Variants in JAK1 observed in about 807,000 individuals in gnomAD.
JAK1 encodes Janus kinase 1.
In JAK1, 16 loss-of-function variants were observed where a neutral mutation model predicts 136.6. That is an observed-to-expected ratio of 0.12 (90% CI 0.08 to 0.18). The LOEUF (loss-of-function observed/expected upper bound fraction) is 0.18. Among genes scored for constraint, JAK1 ranks in the 10% least tolerant of loss-of-function variants. The probability of loss-of-function intolerance (pLI) is 1.00; values close to 1 mark genes in which losing one functional copy is unlikely to be tolerated. For synonymous variants in JAK1, 492 were observed against 519.5 expected (o/e 0.95, Z 0.72); for missense variants, 859 against 1,450.1 (o/e 0.59, Z 6.62).
At chr1:64,857,004 G>GT (rs548849477) in intron 10 of JAK1, among the ~76,000 whole-genome samples, 1 of 152,152 alleles carries the variant, frequency 6.6e-6, no homozygotes. Context: ...CCACTTTGTA[G>GT]TTTTTTTAAT....
chr1:64,906,539 A>G (rs560731997), intron 1 of JAK1, among the ~76,000 whole-genome samples: 1 of 152,218 alleles, frequency 6.6e-6, no homozygotes, highest in South Asian at 2.1e-4. Flanking sequence ...CATCTAAACC[A>G]TCACCAATTC....
intron 2 of JAK1, among the ~76,000 whole-genome samples, chr1:65,040,228 A>G: frequency 6.6e-6 from 1 of 152,106 alleles, no homozygotes; most frequent in South Asian, 2.1e-4. Flanking sequence ...AAAAAAAAAA[A>G]AAGAAGTCTG....
chr1:65,049,153 G>A (rs561624), intron 1 of JAK1, among the ~76,000 whole-genome samples: 11,376 of 152,254 alleles, frequency 0.075, 683 homozygotes, highest in East Asian at 0.32. Context: ...CTGGCATGGT[G>A]GCTCATGCCT....
intron 2 of JAK1, chr1:64,993,541 C>G (rs986264718): frequency 6.6e-6 from 1 of 152,244 alleles, no homozygotes; most frequent in Non-Finnish European, 1.5e-5. Context: ...GTCCAGTGAA[C>G]AGTCCATGAT....
chr1:65,022,529 G>T (rs1646945772), intron 2 of JAK1, among the ~76,000 whole-genome samples: 1 of 152,168 alleles, frequency 6.6e-6, no homozygotes, highest in Non-Finnish European at 1.5e-5. Context: ...TGAGGCATAA[G>T]GCTGGGAGGT....
chr1:65,007,745 G>GTTTTTTTTTTTTTTTTTTTTTT (rs371536456), intron 2 of JAK1, among the ~76,000 whole-genome samples: 1 of 141,930 alleles, frequency 7.0e-6, no homozygotes, highest in African/African-American at 2.6e-5. Flanking sequence ...TTATAGGTAT[G>GTTTTTTTTTTTTTTTTTTTTTT]TTTTTTTTTT....
chr1:64,860,824 C>CTGTGTGTGTGTGTG (rs1557642147), intron 8 of JAK1, among the ~76,000 whole-genome samples: 1 of 114,374 alleles, frequency 8.7e-6, no homozygotes, highest in African/African-American at 3.9e-5. Flanking sequence ...TATCAGATGA[C>CTGTGTGTGTGTGTG]TCTGTGTGTG....
chr1:64,942,800 G>A (rs760593871), intron 1 of JAK1, among the ~76,000 whole-genome samples: 17 of 152,124 alleles, frequency 1.1e-4, no homozygotes, highest in Non-Finnish European at 2.5e-4. Flanking sequence ...GAAGTAGAAC[G>A]AGGGAAGAAC....
intron 2 of JAK1, among the ~76,000 whole-genome samples, chr1:65,014,748 G>C (rs1646878765): frequency 2.0e-5 from 3 of 150,726 alleles, no homozygotes; most frequent in Non-Finnish European, 4.4e-5. Flanking sequence ...GCAGTGGCGC[G>C]ACCTCGGCTC....
chr1:65,061,004 ACTT>A (rs1374270424), intron 1 of JAK1, among the ~76,000 whole-genome samples: 4 of 152,186 alleles, frequency 2.6e-5, no homozygotes, highest in African/African-American at 9.6e-5. Context: ...ATTTTAAACT[ACTT>A]CTTCTATGTT....
Position 64,906,064 on chromosome 1 carries a change from G to A in JAK1, c.-77-19723C>T, listed in dbSNP as rs370697133. On this transcript the variant is annotated intron_variant, in intron 1 of 24. Coordinates refer to ENST00000342505, the MANE Select transcript of JAK1 (RefSeq NM_002227.4). Reference sequence around the variant, plus strand: ...TATCCAACTACCTTGGGAGGCCAAGGTGAGTGGATCACTTGAGGTCAGGAG... The same window carrying A: ...TATCCAACTACCTTGGGAGGCCAAGATGAGTGGATCACTTGAGGTCAGGAG... Among the ~76,000 whole-genome samples, 5 of 152,320 alleles carry A rather than the reference G, an allele frequency of 3.3e-5. 1 individual carries two copies. The highest frequency in any genetic ancestry group is 9.6e-5 in the African/African-American group (4 of 41,584).
At chr1:65,034,830 G>A (rs1053592890) in intron 2 of JAK1, among the ~76,000 whole-genome samples, 33 of 152,186 alleles carry the variant, frequency 2.2e-4, no homozygotes, top group African/African-American at 5.8e-4. Context: ...CAAGGCGGGC[G>A]GATCACTTGA....
At chr1:64,880,646 T>A (rs1338246932) in intron 3 of JAK1, among the ~76,000 whole-genome samples, 1 of 152,152 alleles carries the variant, frequency 6.6e-6, no homozygotes, top group East Asian at 1.9e-4. Context: ...GGGCTAAGTG[T>A]CAGGCATCAG....
In JAK1 at chr1:64,913,944, G is replaced by A. The variant is rs767990119; in HGVS notation, c.-77-27603C>T. ...GCATGTAGTGGTCCTTTCACAAAGT[G>A]CACATTGGTGCACTGGAGGGTGCGT... On this transcript the variant is annotated intron_variant, in intron 1 of 24. Coordinates refer to ENST00000342505, the MANE Select transcript of JAK1 (RefSeq NM_002227.4). 9.9e-5 allele frequency among the ~76,000 whole-genome samples: 15 copies of A among 152,178 alleles called. No homozygotes were observed. The East Asian group carries it at 1.5e-3, about 16-fold the overall frequency.
intron 2 of JAK1, among the ~76,000 whole-genome samples, chr1:64,979,365 C>A (rs1354408339): frequency 6.6e-6 from 1 of 152,072 alleles, no homozygotes; most frequent in East Asian, 1.9e-4. Flanking sequence ...TGCCATTGCA[C>A]CCCAGAATGG....
At chr1:64,879,354 A>C (rs998960925) in intron 3 of JAK1, among the ~76,000 whole-genome samples, 1 of 152,204 alleles carries the variant, frequency 6.6e-6, no homozygotes, top group African/African-American at 2.4e-5. Flanking sequence ...CTCCCCAGAA[A>C]TATGCACTGT....
rs1383783452 is a variant in JAK1 at position 64,834,525 on chromosome 1, T to TTGA, written c.*34_*36dup. 7.4e-7 allele frequency: 1 copy of TTGA among 1,359,590 alleles called. No individual in the cohort carries two copies. Among genetic ancestry groups the TTGA allele is most frequent in the Non-Finnish European group, 1.0e-6 (1 of 953,600 alleles). The allele number at this position is 1,359,590 out of a possible 1,614,324, so 84.2% of individuals were successfully genotyped here. A position where few individuals can be genotyped will look rare whatever the true frequency, so the allele number is the denominator to read the frequency against. ...TGGGCATTTGTTGCAGGAGAAGGACTTGATAATCTGTGGAATTTAAATGTT... is the reference window on the plus strand; with the variant it reads ...TGGGCATTTGTTGCAGGAGAAGGACTTGATGATAATCTGTGGAATTTAAATGTT... On this transcript the variant is annotated 3_prime_UTR_variant, in exon 25 of 25. Transcript: ENST00000342505.
chr1:64,927,484 T>C, intron 1 of JAK1, among the ~76,000 whole-genome samples: 1 of 152,244 alleles, frequency 6.6e-6, no homozygotes, highest in African/African-American at 2.4e-5. Context: ...TGTCAAATAT[T>C]ACACAGACAA....
upstream of JAK1, among the ~76,000 whole-genome samples, chr1:64,969,202 T>G (rs189415499): frequency 0.012 from 1,796 of 144,450 alleles, 37 homozygotes; most frequent in African/African-American, 0.043. Context: ...AAATAGTGGG[T>G]TTTTTTTTTT....
Sources: allele counts gnomAD v4.1 joint callset (sites outside exome capture counted in the v4.1 genomes callset), GRCh38; gene constraint gnomAD v4.1.1; transcripts MANE v1.5; gene names NCBI Gene and HGNC (gene_info 2026-07-23, HGNC 2026-07-21).